UNC13A: variants seen among roughly 807,000 people sequenced by gnomAD.
UNC13A encodes unc-13 homolog A, also known as protein unc-13 homolog A.
A neutral mutation model predicts 219.7 loss-of-function variants in UNC13A; 61 were observed. The observed-to-expected ratio is 0.28, with a 90% CI of 0.23 to 0.34. UNC13A has a LOEUF of 0.34. Among genes scored for constraint, UNC13A ranks in the 10% least tolerant of loss-of-function variants. The pLI, the probability that UNC13A is intolerant of heterozygous loss-of-function variation, is 1.00. For synonymous variants in UNC13A, 920 were observed against 884.6 expected, an observed-to-expected ratio of 1.04 and a Z score of -0.71; for missense variants, 1,476 against 2,270.3, an observed-to-expected ratio of 0.65 and a Z score of 7.11.
chr19:17,648,542 C>G lies in UNC13A; in HGVS notation c.1705G>C (p.Glu569Gln). The G allele has an allele frequency of 1.2e-6, 2 of 1,614,074 alleles. No individual in the cohort carries two copies. Among genetic ancestry groups the G allele is most frequent in the Non-Finnish European group, 1.7e-6 (2 of 1,180,018 alleles). Reference sequence around the variant, plus strand: ...ATGCCCCACAGCAGCCCCTCGCACTCGTAGCAGTAGGTGGGCGTGGTGGCC... The same window carrying G: ...ATGCCCCACAGCAGCCCCTCGCACTGGTAGCAGTAGGTGGGCGTGGTGGCC... ...WTATTPTYCY[E>Q]CEGLLWGIAR... The change falls in exon 16 of 44, where the codon GAG becomes CAG. Residue 569 changes from glutamate (E) to glutamine (Q), a missense_variant. Physicochemically the swap from Glu to Gln is conservative, Grantham distance 29. Coordinates refer to ENST00000519716, the MANE Select transcript of UNC13A (RefSeq NM_001080421.3).
At chr19:17,655,222 T>C (rs2079427006) in intron 11 of UNC13A, 52 bp downstream of exon 11, 1 of 1,446,726 alleles carries the variant, frequency 6.9e-7, no homozygotes, top group South Asian at 1.2e-5. Context: ...GGCCTGCCAT[T>C]GGGCGTGGCC....
At chr19:17,680,423 G>A (rs998548396) in intron 1 of UNC13A, among the ~76,000 whole-genome samples, 1 of 152,216 alleles carries the variant, frequency 6.6e-6, no homozygotes, top group Non-Finnish European at 1.5e-5. Context: ...CGGCGGACAG[G>A]GGGGCGGGGA....
intron 34 of UNC13A, among the ~76,000 whole-genome samples, chr19:17,625,426 G>A (rs2076772187): frequency 6.6e-6 from 1 of 152,042 alleles, no homozygotes. Flanking sequence ...GATAGGGGTT[G>A]AAGGAGACAG....
At chr19:17,687,179 C>G (rs982673146) in intron 1 of UNC13A, among the ~76,000 whole-genome samples, 5 of 152,158 alleles carry the variant, frequency 3.3e-5, no homozygotes, top group Non-Finnish European at 7.4e-5. Context: ...ACCCCAGAGC[C>G]ATAAAGGTGT....
chr19:17,626,910 C>T (rs1599346481), intron 33 of UNC13A, 125 bp from the exon 34 acceptor site: 8 of 1,372,316 alleles, frequency 5.8e-6, no homozygotes, highest in Admixed American at 2.8e-5. Flanking sequence ...GAATGGAGAA[C>T]AGGCCAGATG....
In UNC13A at chr19:17,627,824, C is replaced by A; in HGVS notation, c.3831+39G>T. 1 of 1,561,002 alleles carries A rather than the reference C, an allele frequency of 6.4e-7. No individual in the cohort carries two copies. Among genetic ancestry groups the A allele is most frequent in the Non-Finnish European group, 8.7e-7 (1 of 1,148,178 alleles). On this transcript the variant is annotated intron_variant, in intron 32 of 43. Transcript: ENST00000519716. This position sits in a 1 kb window ranked among gnomAD's most constrained non-coding sequence, Gnocchi z 4.7. ...CTGCAGGGACACAGTGGTGGGGGTG[C>A]CCCATCCCTTCTCCAGCCCTGCCTC... is the stretch of plus-strand genomic sequence containing the variant.
intron 28 of UNC13A, among the ~76,000 whole-genome samples, chr19:17,631,038 C>G (rs1212804905): frequency 6.7e-6 from 1 of 149,538 alleles, no homozygotes; most frequent in Non-Finnish European, 1.5e-5. Flanking sequence ...TGAGTCCTCT[C>G]TGAGTCCTCC....
intron 6 of UNC13A, among the ~76,000 whole-genome samples, chr19:17,666,994 C>T (rs10424848): frequency 0.84 from 126,878 of 151,762 alleles, 53,761 homozygotes; most frequent in Middle Eastern, 0.92. Context: ...TGACTCACAC[C>T]TGTAATCCCA....
At chr19:17,686,089 T>G (rs1390850908) in intron 1 of UNC13A, among the ~76,000 whole-genome samples, 1 of 147,012 alleles carries the variant, frequency 6.8e-6, no homozygotes, top group African/African-American at 2.5e-5. Context: ...CTCCCACCCC[T>G]GTCAACCTCT....
Position 17,649,615 on chromosome 19 carries a change from C to T in UNC13A, c.1440-28G>A. ...GAAAGACACAGAGGGACACTGAGGG[C>T]CCAGATGTCCCTATTCCTCACATAG... On this transcript the variant is annotated intron_variant, in intron 12 of 43. Coordinates refer to ENST00000519716, the MANE Select transcript of UNC13A (RefSeq NM_001080421.3). The surrounding 1 kb of genome is among the most constrained non-coding windows in gnomAD (Gnocchi z 4.4). 6.2e-7 allele frequency: 1 copy of T among 1,612,304 alleles called. No homozygotes were observed. The highest frequency in any genetic ancestry group is 8.5e-7 in the Non-Finnish European group (1 of 1,178,536).
At chr19:17,616,825 G>T (rs1240149683) in intron 41 of UNC13A, among the ~76,000 whole-genome samples, 1 of 152,106 alleles carries the variant, frequency 6.6e-6, no homozygotes, top group African/African-American at 2.4e-5. Flanking sequence ...CAGGCTGGGT[G>T]TCGATGGCGA....
chr19:17,631,447 G>A (rs2076854290), intron 28 of UNC13A, among the ~76,000 whole-genome samples: 1 of 151,270 alleles, frequency 6.6e-6, no homozygotes, highest in African/African-American at 2.4e-5. Flanking sequence ...GGCAGGCCTT[G>A]AACTCCTGGC....
Position 17,674,716 on chromosome 19 carries a change from G to A in UNC13A, c.93C>T (p.Val31=), listed in dbSNP as rs546127550. The part of the protein sequence containing the change: ...NTYVTLKVQN[V]KSTTIAVRGS... ...CCCGCACCGCGATGGTCGTGCTCTT[G>A]ACATTCTGCACTTTCAGGGTCACGT... Residue 31 remains valine (V), a synonymous_variant, in exon 3 of 44, where the codon GTC becomes GTT. Coordinates refer to ENST00000519716, the MANE Select transcript of UNC13A (RefSeq NM_001080421.3). This position sits in a 1 kb window ranked among gnomAD's most constrained non-coding sequence, Gnocchi z 5.0. 1.2e-5 allele frequency: 19 copies of A among 1,613,960 alleles called. No individual in the cohort carries two copies. In the South Asian group the frequency reaches 2.0e-4, roughly 17 times the overall value.
rs894225591 is a variant in UNC13A at position 17,687,215 on chromosome 19, C to T, written c.22+963G>A. The stretch of plus-strand genomic sequence containing the variant: ...GGGGTGGGGGGTCATGCCCCTCCCA[C>T]GTCTCCCTCCCTCCTCCAACCCCAA... On this transcript the variant is annotated intron_variant, in intron 1 of 43. Coordinates refer to ENST00000519716, the MANE Select transcript of UNC13A (RefSeq NM_001080421.3). Among the ~76,000 whole-genome samples the T allele has an allele frequency of 9.2e-5, 14 of 152,298 alleles. No individual in the cohort carries two copies. In the South Asian group the frequency reaches 2.3e-3, roughly 25 times the overall value.
intron 1 of UNC13A, among the ~76,000 whole-genome samples, chr19:17,686,768 C>A (rs1316840461): frequency 2.6e-5 from 4 of 151,852 alleles, no homozygotes; most frequent in Admixed American, 6.6e-5. Context: ...TCGGAAGCTG[C>A]CGCGGCGGGG....
intron 4 of UNC13A, 105 bp from the exon 5 acceptor site, chr19:17,669,781 C>A: frequency 1.5e-6 from 2 of 1,339,576 alleles, no homozygotes; most frequent in South Asian, 3.0e-5. Context: ...ACCCCAAAAC[C>A]AAAGTCATGT....
intron 25 of UNC13A, among the ~76,000 whole-genome samples, chr19:17,636,695 T>C (rs113482551): frequency 2.2e-3 from 328 of 152,216 alleles, no homozygotes; most frequent in African/African-American, 7.4e-3. Context: ...GTCAACCCAA[T>C]CCGATTCTAC....
chr19:17,675,695 T>G (rs1220053794), intron 2 of UNC13A, among the ~76,000 whole-genome samples: 1 of 151,786 alleles, frequency 6.6e-6, no homozygotes, highest in Admixed American at 6.6e-5. Flanking sequence ...GAGCCTCATT[T>G]TTCCCACCTG....
At chr19:17,676,285 A>G (rs2079897939) in intron 1 of UNC13A, 2 of 643,282 alleles carry the variant, frequency 3.1e-6, no homozygotes, top group Non-Finnish European at 5.7e-6. Context: ...TGAGAGGGAG[A>G]GAGAGAAGCC....
Sources: gnomAD v4.1 joint callset for allele counts (sites outside exome capture counted in the v4.1 genomes callset) on GRCh38, gnomAD v4.1.1 for gene constraint, Gnocchi (gnomAD v3.1) non-coding constraint, MANE v1.5 for transcripts, NCBI Gene and HGNC (gene_info 2026-07-23, HGNC 2026-07-21) for gene names.